The following BCKDHB variants were observed in gnomAD, a reference collection of about 807,000 sequenced individuals.
BCKDHB encodes the protein 2-oxoisovalerate dehydrogenase subunit beta, mitochondrial.
A neutral mutation model predicts 48.5 loss-of-function variants in BCKDHB; 41 were observed. The ratio of observed to expected loss-of-function variants is 0.85; its 90% CI spans 0.66 to 1.10. The LOEUF (loss-of-function observed/expected upper bound fraction) is 1.10, where lower values mean the gene tolerates loss of function less well. Among genes scored for constraint, BCKDHB ranks in the 50% least tolerant of loss-of-function variants. BCKDHB has a pLI of 0.00. For synonymous variants in BCKDHB, 201 were observed against 174.8 expected (o/e 1.15, Z -1.18); for missense variants, 496 against 494.2 (o/e 1.00, Z -0.03).
At chr6:80,368,117 A>C in the BCKDHB span, among the ~76,000 whole-genome samples, 1 of 152,102 alleles carries the variant, frequency 6.6e-6, no homozygotes, top group Non-Finnish European at 1.5e-5. Context: ...CTCTTTGTAC[A>C]TTTCATTCAC....
intron 6 of BCKDHB, among the ~76,000 whole-genome samples, chr6:80,190,960 C>T (rs1180295933): frequency 6.6e-6 from 1 of 152,000 alleles, no homozygotes; most frequent in African/African-American, 2.4e-5. Flanking sequence ...ATGTTGGTGG[C>T]AGGGCATTTA....
intron 1 of BCKDHB, among the ~76,000 whole-genome samples, chr6:80,121,824 T>C (rs1349903757): frequency 6.6e-6 from 1 of 152,196 alleles, no homozygotes; most frequent in Non-Finnish European, 1.5e-5. Context: ...ACTTCCTCTT[T>C]TCCTAATTGA....
intron 8 of BCKDHB, among the ~76,000 whole-genome samples, chr6:80,220,304 G>GTTTTTTTTTTTTTTTTTTTTTT (rs56967096): frequency 1.5e-4 from 9 of 60,860 alleles, no homozygotes; most frequent in South Asian, 6.8e-4. Flanking sequence ...CATGCTATTT[G>GTTTTTTTTTTTTTTTTTTTTTT]TTTTTTTTTT....
chr6:80,282,711 C>T (rs575380113), intron 9 of BCKDHB, among the ~76,000 whole-genome samples: 3 of 151,978 alleles, frequency 2.0e-5, no homozygotes, highest in Non-Finnish European at 4.4e-5. Context: ...TTTATATATA[C>T]ATACATCTAG....
chr6:80,198,408 G>T (rs1164699427), intron 6 of BCKDHB, among the ~76,000 whole-genome samples: 1 of 151,938 alleles, frequency 6.6e-6, no homozygotes, highest in African/African-American at 2.4e-5. Flanking sequence ...TGTCTATTTT[G>T]GGATTTATCT....
At chr6:80,174,470 G>A (rs943889900) in intron 6 of BCKDHB, among the ~76,000 whole-genome samples, 2 of 152,048 alleles carry the variant, frequency 1.3e-5, no homozygotes, top group African/African-American at 4.8e-5. Context: ...GAACGTGCAT[G>A]TACAAAAAGT....
chr6:80,146,091 G>T (rs1424565875), intron 3 of BCKDHB, among the ~76,000 whole-genome samples: 1 of 152,126 alleles, frequency 6.6e-6, no homozygotes, highest in Non-Finnish European at 1.5e-5. Context: ...TGACATGCCA[G>T]TCTCACCCCA....
intron 6 of BCKDHB, among the ~76,000 whole-genome samples, chr6:80,200,602 T>C (rs1774344599): frequency 6.6e-6 from 1 of 152,196 alleles, no homozygotes; most frequent in South Asian, 2.1e-4. Context: ...CTTACATACA[T>C]GTAGGATACA....
At chr6:80,381,794 A>T in the BCKDHB span, among the ~76,000 whole-genome samples, 1 of 152,102 alleles carries the variant, frequency 6.6e-6, no homozygotes, top group African/African-American at 2.4e-5. Flanking sequence ...TTCCTATAGC[A>T]TCTATTTTAT....
intron 8 of BCKDHB, among the ~76,000 whole-genome samples, chr6:80,263,266 TA>T (rs983768139): frequency 2.0e-5 from 3 of 152,180 alleles, no homozygotes; most frequent in Non-Finnish European, 2.9e-5. Flanking sequence ...CCTTCTCTAT[TA>T]AGTAATCAAT....
chr6:80,277,169 A>G (rs530869389), intron 9 of BCKDHB, among the ~76,000 whole-genome samples: 11 of 152,220 alleles, frequency 7.2e-5, no homozygotes, highest in Admixed American at 5.2e-4. Flanking sequence ...GAAAAGTGCA[A>G]TGACTATAGA....
chr6:80,433,465 A>G, the BCKDHB span, among the ~76,000 whole-genome samples: 2 of 152,232 alleles, frequency 1.3e-5, no homozygotes, highest in East Asian at 3.9e-4. Context: ...CTGTAAGGGG[A>G]AAACCGCCTA....
At chr6:80,257,284 C>T (rs9343977) in intron 8 of BCKDHB, among the ~76,000 whole-genome samples, 81,503 of 151,206 alleles carry the variant, frequency 0.54, 22,357 homozygotes, top group East Asian at 0.69. Context: ...CTGTCTGTCT[C>T]TCTTCATCTT....
rs1350324265 is a variant in BCKDHB at position 80,344,355 on chromosome 6, T to C, written c.*551T>C. On this transcript the variant is annotated 3_prime_UTR_variant, in exon 10 of 10. Transcript: ENST00000320393. ...CTAGCATATGTATATGTGATTTTTT[T>C]TTTTTTTTTGAGACCGAGTCTCACT... 1.9e-5 allele frequency: 3 copies of C among 158,032 alleles called. No individual in the cohort carries two copies. Among genetic ancestry groups the C allele is most frequent in the Admixed American group, 1.8e-4 (3 of 16,456 alleles). 9.8% of individuals were successfully genotyped at this position (158,032 alleles called of 1,614,324 possible). A position where few individuals can be genotyped will look rare whatever the true frequency, so the allele number is the denominator to read the frequency against.
At chr6:80,402,474 TG>T in the BCKDHB span, among the ~76,000 whole-genome samples, 2 of 151,762 alleles carry the variant, frequency 1.3e-5, no homozygotes, top group Non-Finnish European at 3.0e-5. Context: ...TGTTTGCTTT[TG>T]GGTTGTATGA....
the BCKDHB span, among the ~76,000 whole-genome samples, chr6:80,359,589 ATTG>A: frequency 0.086 from 13,007 of 151,918 alleles, 839 homozygotes; most frequent in South Asian, 0.24. Context: ...CTTGTTTCTT[ATTG>A]TTGTTGTTTG....
chr6:80,163,165 A>C (rs1404713239), intron 3 of BCKDHB, among the ~76,000 whole-genome samples: 1 of 151,990 alleles, frequency 6.6e-6, no homozygotes, highest in Admixed American at 6.6e-5. Context: ...TGATTCTCCG[A>C]AAGTGGTGGG....
the BCKDHB span, among the ~76,000 whole-genome samples, chr6:80,430,667 C>A: frequency 6.6e-6 from 1 of 152,096 alleles, no homozygotes; most frequent in African/African-American, 2.4e-5. Flanking sequence ...GCAGTGATAT[C>A]CCCTTTATCA....
the BCKDHB span, among the ~76,000 whole-genome samples, chr6:80,419,751 G>C: frequency 2.0e-5 from 3 of 152,170 alleles, no homozygotes; most frequent in Non-Finnish European, 2.9e-5. Flanking sequence ...TCTTCCCCCA[G>C]AGCCACTGAT....
Sources: gnomAD v4.1 joint callset for allele counts (sites outside exome capture counted in the v4.1 genomes callset) on GRCh38, gnomAD v4.1.1 for gene constraint, MANE v1.5 for transcripts, NCBI Gene and HGNC (gene_info 2026-07-23, HGNC 2026-07-21) for gene names.